Variants in ANKH observed in about 807,000 individuals in gnomAD.
ANKH encodes ANKH inorganic pyrophosphate transport regulator.
In ANKH, 15 loss-of-function variants were observed where a neutral mutation model predicts 49.0. The ratio of observed to expected loss-of-function variants is 0.31; its 90% CI spans 0.20 to 0.47. The LOEUF (loss-of-function observed/expected upper bound fraction) is 0.47, where lower values mean the gene tolerates loss of function less well. Ranked by LOEUF, ANKH falls within the 20% of genes least tolerant of loss-of-function variation. The pLI is 1.00. For missense variants in ANKH, 429 were observed against 652.0 expected (o/e 0.66, Z 3.72); for synonymous variants, 273 against 260.0 (o/e 1.05, Z -0.48).
rs1739974791 is a variant in ANKH, at chr5:14,786,328, CAT to C, written c.97-17139_97-17138del. 2.6e-5 allele frequency among the ~76,000 whole-genome samples: 4 copies of C among 152,288 alleles called. No individual in the cohort carries two copies. In the South Asian group the frequency reaches 8.3e-4, roughly 32 times the overall value. On this transcript the variant is annotated intron_variant, in intron 1 of 11. Coordinates refer to ENST00000284268, the MANE Select transcript of ANKH (RefSeq NM_054027.6). ...CAAACTATGTTCCTTGATGAGAAGACATAATGTCATAAATATGTCAGAGCTCT... is the reference window on the plus strand; with the variant it reads ...CAAACTATGTTCCTTGATGAGAAGACAATGTCATAAATATGTCAGAGCTCT...
intron 1 of ANKH, among the ~76,000 whole-genome samples, chr5:14,828,574 T>C (rs928184714): frequency 6.6e-6 from 1 of 152,064 alleles, no homozygotes; most frequent in South Asian, 2.1e-4. Context: ...CCTCTTCTTT[T>C]CTTTTCTTTC....
chr5:14,821,227 T>A (rs999726213), intron 1 of ANKH, among the ~76,000 whole-genome samples: 1 of 152,242 alleles, frequency 6.6e-6, no homozygotes, highest in African/African-American at 2.4e-5. Flanking sequence ...AACATGCCTC[T>A]ATTACCAATC....
chr5:14,734,630 TG>T (rs1354385516), intron 8 of ANKH, among the ~76,000 whole-genome samples: 1 of 152,108 alleles, frequency 6.6e-6, no homozygotes, highest in African/African-American at 2.4e-5. Context: ...CAGGGATCCG[TG>T]GGGCCCAGGC....
At chr5:14,719,146 C>G (rs1209827993) in intron 8 of ANKH, among the ~76,000 whole-genome samples, 2 of 152,202 alleles carry the variant, frequency 1.3e-5, no homozygotes, top group African/African-American at 4.8e-5. Flanking sequence ...CAACTGGGGA[C>G]ACAGCTTCCT....
At chr5:14,715,235 G>A (rs570801209) in intron 9 of ANKH, among the ~76,000 whole-genome samples, 4 of 152,314 alleles carry the variant, frequency 2.6e-5, no homozygotes, top group East Asian at 3.9e-4. Flanking sequence ...GGGTTCAAGC[G>A]ATTCTCCTGC....
At chr5:14,868,336 G>T (rs1735713524) in intron 1 of ANKH, 1 of 149,518 alleles carries the variant, frequency 6.7e-6, no homozygotes, top group African/African-American at 2.5e-5. Context: ...CTATTGTTTT[G>T]TTCTTGACAA....
At chr5:14,859,305 A>G (rs1334532580) in intron 1 of ANKH, among the ~76,000 whole-genome samples, 2 of 152,222 alleles carry the variant, frequency 1.3e-5, no homozygotes, top group Non-Finnish European at 2.9e-5. Context: ...TTTACTTAGC[A>G]TAATGTCTTC....
chr5:14,705,278 T>A lies in ANKH; in HGVS notation c.*5919A>T, dbSNP rs1736905362. 1 of 152,104 alleles carries A rather than the reference T, an allele frequency of 6.6e-6. No individual in the cohort carries two copies. The highest frequency in any genetic ancestry group is 1.5e-5 in the Non-Finnish European group (1 of 68,030). 9.4% of individuals were successfully genotyped at this position (152,104 alleles called of 1,614,324 possible). On this transcript the variant is annotated 3_prime_UTR_variant, in exon 12 of 12. Coordinates refer to ENST00000284268, the MANE Select transcript of ANKH (RefSeq NM_054027.6). The stretch of plus-strand genomic sequence containing the variant: ...AGGAATGACTCTAAGCACACTTAAT[T>A]TTGTTTAAAAAAAAAAAAATCTAGA...
chr5:14,737,839 C>T lies in ANKH; in HGVS notation c.1011+3988G>A, dbSNP rs1055848657. ...TGCTATCAAGGGGATTCCGTTTCAT[C>T]TGACAGTTCTACTGTTTTGAAGCCA... On this transcript the variant is annotated intron_variant, in intron 8 of 11. Transcript: ENST00000284268. The surrounding 1 kb of genome is among the most constrained non-coding windows in gnomAD (Gnocchi z 5.0). 1.3e-5 allele frequency among the ~76,000 whole-genome samples: 2 copies of T among 152,240 alleles called. No individual in the cohort carries two copies. Among genetic ancestry groups the T allele is most frequent in the Admixed American group, 1.3e-4 (2 of 15,284 alleles).
intron 1 of ANKH, among the ~76,000 whole-genome samples, chr5:14,808,501 A>T (rs1284560629): frequency 6.6e-6 from 1 of 152,200 alleles, no homozygotes; most frequent in East Asian, 1.9e-4. Context: ...GCAGTGGCTC[A>T]CACCTGTAAT....
At chr5:14,864,248 T>C (rs576829018) in intron 1 of ANKH, among the ~76,000 whole-genome samples, 6 of 152,316 alleles carry the variant, frequency 3.9e-5, no homozygotes, top group Admixed American at 3.9e-4. Flanking sequence ...TTAAAGAATT[T>C]GATCTATTAC....
At chr5:14,836,347 A>G (rs1229309010) in intron 1 of ANKH, among the ~76,000 whole-genome samples, 1 of 152,240 alleles carries the variant, frequency 6.6e-6, no homozygotes, top group Non-Finnish European at 1.5e-5. Flanking sequence ...TGCAGATGAC[A>G]TGATTGTATA....
At chr5:14,719,514 C>T (rs753851494) in intron 8 of ANKH, among the ~76,000 whole-genome samples, 14 of 152,108 alleles carry the variant, frequency 9.2e-5, no homozygotes, top group Non-Finnish European at 1.8e-4. Context: ...AAAAAGGCTC[C>T]GAGAGATGCT....
intron 1 of ANKH, among the ~76,000 whole-genome samples, chr5:14,810,711 T>C (rs1184056724): frequency 1.3e-5 from 2 of 152,206 alleles, no homozygotes; most frequent in Non-Finnish European, 2.9e-5. Flanking sequence ...TTCTACCTTC[T>C]GTCCCCTGAG....
intron 1 of ANKH, among the ~76,000 whole-genome samples, chr5:14,812,154 TA>T (rs375593771): frequency 3.4e-5 from 5 of 147,820 alleles, no homozygotes; most frequent in African/African-American, 1.2e-4. Flanking sequence ...AAAAGGATCC[TA>T]ATAAGTTTGA....
chr5:14,831,834 A>C (rs977700387), intron 1 of ANKH, among the ~76,000 whole-genome samples: 1 of 152,232 alleles, frequency 6.6e-6, no homozygotes, highest in African/African-American at 2.4e-5. Flanking sequence ...AGCAGTTACC[A>C]AACCATGGAG....
At chr5:14,716,028 T>TTAAAG (rs144281649) in intron 9 of ANKH, among the ~76,000 whole-genome samples, 1,872 of 152,298 alleles carry the variant, frequency 0.012, 39 homozygotes, top group African/African-American at 0.042. Flanking sequence ...ACTTTTTAAA[T>TTAAAG]TAAAGTATTG....
chr5:14,821,466 G>C (rs899462697), intron 1 of ANKH, among the ~76,000 whole-genome samples: 1 of 152,174 alleles, frequency 6.6e-6, no homozygotes, highest in Admixed American at 6.5e-5. Flanking sequence ...AGGAAAATCC[G>C]ATCAGACAAA....
At chr5:14,739,911 G>A (rs146747893) in intron 8 of ANKH, among the ~76,000 whole-genome samples, 70 of 152,284 alleles carry the variant, frequency 4.6e-4, no homozygotes, top group Middle Eastern at 3.4e-3. Context: ...TTAGATAGAG[G>A]ATTAGAATAA....
Sources: allele counts gnomAD v4.1 joint callset (sites outside exome capture counted in the v4.1 genomes callset), GRCh38; gene constraint gnomAD v4.1.1; non-coding constraint Gnocchi (gnomAD v3.1); transcripts MANE v1.5; gene names NCBI Gene and HGNC (gene_info 2026-07-23, HGNC 2026-07-21).